Variants in ROBO3 observed in about 807,000 individuals in gnomAD.
ROBO3 encodes the protein roundabout homolog 3.
Under a neutral mutation model 160.5 loss-of-function variants are expected in ROBO3, and 97 were observed. The ratio of observed to expected loss-of-function variants is 0.60; its 90% CI spans 0.51 to 0.72. The LOEUF is 0.72. Among genes scored for constraint, ROBO3 ranks in the 30% least tolerant of loss-of-function variants. The probability of loss-of-function intolerance (pLI) is 0.00; values close to 1 mark genes in which losing one functional copy is unlikely to be tolerated. For missense variants in ROBO3, 1,858 were observed against 1,846.5 expected, an observed-to-expected ratio of 1.01 and a Z score of -0.11; for synonymous variants, 780 against 746.2, an observed-to-expected ratio of 1.05 and a Z score of -0.74.
rs1160814226 is a variant in ROBO3 at position 124,868,871 on chromosome 11, G to A, written c.230G>A (p.Arg77Gln). ...CAGCCGCCAGATCTGCTGGTCTCCC[G>A]AGGCGAGCCCGCCACGTTGCCCTGC... ...VEQPPDLLVS[R>Q]GEPATLPCRA... is the part of the protein sequence containing the mutation. The change falls in exon 2 of 28, where the codon CGA becomes CAA. Residue 77 changes from arginine (R) to glutamine (Q), a missense_variant. Arg to Gln is a conservative substitution (Grantham distance 43). Transcript: ENST00000397801. The A allele has an allele frequency of 6.2e-7, 1 of 1,607,916 alleles. No individual in the cohort carries two copies. Among genetic ancestry groups the A allele is most frequent in the South Asian group, 1.1e-5 (1 of 89,966 alleles).
At position 124,877,557 on chromosome 11, in the gene ROBO3, T is replaced by A. The variant is rs1455253458; in HGVS notation, c.2885T>A (p.Leu962Gln). The A allele has an allele frequency of 6.2e-7, 1 of 1,601,968 alleles. No homozygotes were observed. Among genetic ancestry groups the A allele is most frequent in the Admixed American group, 1.7e-5 (1 of 58,224 alleles). ...MGLGPAPYSW[L>Q]ADSWPHPSRS... ...CTTGGCCCCGCCCCCTACTCATGGC[T>A]GGCAGATTCGTGGCCCCACCCATCT... Residue 962 changes from leucine (L) to glutamine (Q), a missense_variant, in exon 20 of 28, where the codon CTG becomes CAG. Coordinates refer to ENST00000397801, the MANE Select transcript of ROBO3 (RefSeq NM_022370.4).
chr11:124,881,052 TCAAA>T lies in ROBO3; in HGVS notation c.4150-176_4150-173del, dbSNP rs568014870. Among the ~76,000 whole-genome samples, 65 of 152,098 alleles carry T rather than the reference TCAAA, an allele frequency of 4.3e-4. No individual in the cohort carries two copies. The East Asian group carries it at 0.01, about 24-fold the overall frequency. On this transcript the variant is annotated intron_variant, in intron 27 of 27. Transcript: ENST00000397801. ...CTGGGCGACAGAGTGAGACTCTGTC[TCAAA>T]CAAACAAACAGACAAACAAAACAAA... is the stretch of plus-strand genomic sequence containing the variant.
Position 124,877,287 on chromosome 11 carries a change from G to A in ROBO3, c.2824G>A (p.Gly942Ser), listed in dbSNP as rs776810540. The change falls in exon 19 of 28, where the codon GGC becomes AGC. Residue 942 changes from glycine (G) to serine (S), a missense_variant. By Grantham distance (56) the Gly-to-Ser change is moderately conservative. Transcript: ENST00000397801. ...CCCAGTGTCCTTCCCGCACTCAGAG[G>A]GCCTCTCTGGAGCCAGTTCCAGGTA... Reference protein sequence around the residue: ...TPAVSFPHSEGLSGASSRPPM... With the variant: ...TPAVSFPHSESLSGASSRPPM... 1.9e-6 allele frequency: 3 copies of A among 1,613,710 alleles called. No homozygotes were observed. Among genetic ancestry groups the A allele is most frequent in the Non-Finnish European group, 2.5e-6 (3 of 1,179,846 alleles).
intron 26 of ROBO3, among the ~76,000 whole-genome samples, 191 bp from the exon 27 acceptor site, chr11:124,880,227 C>T (rs760451027): frequency 7.9e-5 from 12 of 152,208 alleles, no homozygotes; most frequent in South Asian, 2.1e-4. Context: ...TCCCCCGCAG[C>T]GTTCTGAGCA....
At position 124,877,502 on chromosome 11, in the gene ROBO3, C is replaced by A; in HGVS notation, c.2847-17C>A. ...CTTCAGGCTCTCCGTCCCCAACGCT[C>A]ACCTGCTCTCCCTCAGGCCACCCAT... On this transcript the variant is annotated splice_polypyrimidine_tract_variant and intron_variant, in intron 19 of 27. Transcript: ENST00000397801. 1 of 1,600,478 alleles carries A rather than the reference C, an allele frequency of 6.2e-7. No individual in the cohort carries two copies. The highest frequency in any genetic ancestry group is 2.3e-5 in the East Asian group (1 of 44,000).
rs1946338289 is a variant in ROBO3 at position 124,875,239 on chromosome 11, C to T, written c.2202C>T (p.Leu734=). 1.2e-6 allele frequency: 2 copies of T among 1,613,610 alleles called. No homozygotes were observed. The highest frequency in any genetic ancestry group is 1.3e-5 in the African/African-American group (1 of 74,856). The change falls in exon 14 of 28, where the codon CTC becomes CTT. Residue 734 remains leucine (L), a synonymous_variant. Coordinates refer to ENST00000397801, the MANE Select transcript of ROBO3 (RefSeq NM_022370.4). ...AGCAAAGTACTGTGCTAAGAGGACT[C>T]CCTCCAGGGACCCAAATCCAGATCA... ...PSQQSTVLRG[L]PPGTQIQIKV...
chr11:124,877,552 A>T lies in ROBO3; in HGVS notation c.2880A>T (p.Ser960=), dbSNP rs1192528297. Residue 960 remains serine (S), a synonymous_variant, in exon 20 of 28, where the codon TCA becomes TCT. Coordinates refer to ENST00000397801, the MANE Select transcript of ROBO3 (RefSeq NM_022370.4). ...PPMGLGPAPY[S]WLADSWPHPS... is the part of the protein sequence containing the mutation. The stretch of plus-strand genomic sequence containing the variant: ...TGGGCCTTGGCCCCGCCCCCTACTC[A>T]TGGCTGGCAGATTCGTGGCCCCACC... 6.2e-7 allele frequency: 1 copy of T among 1,601,458 alleles called. No homozygotes were observed. The highest frequency in any genetic ancestry group is 8.5e-7 in the Non-Finnish European group (1 of 1,174,696).
rs1946285724 is a variant in ROBO3, at chr11:124,872,077, T to C, written c.1159-304T>C. On this transcript the variant is annotated intron_variant, in intron 7 of 27. Coordinates refer to ENST00000397801, the MANE Select transcript of ROBO3 (RefSeq NM_022370.4). This position sits in a 1 kb window ranked among gnomAD's most constrained non-coding sequence, Gnocchi z 4.3. ...TCATATGATTACTTCATGTGATCTTTATAACTATCCTCTAGAAGTCAAATT... is the reference window on the plus strand; with the variant it reads ...TCATATGATTACTTCATGTGATCTTCATAACTATCCTCTAGAAGTCAAATT... Among the ~76,000 whole-genome samples, 1 of 152,336 alleles carries C rather than the reference T, an allele frequency of 6.6e-6. No homozygotes were observed. The highest frequency in any genetic ancestry group is 6.5e-5 in the Admixed American group (1 of 15,292).
At chr11:124,877,729 G>T (rs747335178) in intron 20 of ROBO3, 71 bp downstream of exon 20, 2 of 1,555,826 alleles carry the variant, frequency 1.3e-6, no homozygotes, top group South Asian at 1.2e-5. Flanking sequence ...ACCGAAGGGC[G>T]CCCGGGAGCC....
At chr11:124,874,341 C>A in intron 12 of ROBO3, 105 bp downstream of exon 12, 1 of 1,080,914 alleles carries the variant, frequency 9.3e-7, no homozygotes, top group Non-Finnish European at 1.3e-6. Flanking sequence ...TTCTTTCCTG[C>A]TATGCCAGGT....
At position 124,868,896 on chromosome 11, in the gene ROBO3, C is replaced by A. The variant is rs1297683920; in HGVS notation, c.255C>A (p.Cys85Ter). ...VSRGEPATLP[C>*]RAEGRPRPNI... ...GAGGCGAGCCCGCCACGTTGCCCTG[C>A]CGCGCTGAAGGCCGACCCCGACCCA... Residue 85 changes from cysteine (C) to a stop codon, truncating the protein, a stop_gained, in exon 2 of 28, where the codon TGC (cysteine) becomes TGA (stop). Transcript: ENST00000397801. LOFTEE classifies it high-confidence loss of function. The A allele has an allele frequency of 2.5e-6, 4 of 1,607,904 alleles. No individual in the cohort carries two copies. The highest frequency in any genetic ancestry group is 3.4e-5 in the Admixed American group (2 of 59,308).
At chr11:124,877,354 G>T in intron 19 of ROBO3, 45 bp downstream of exon 19, 1 of 1,611,296 alleles carries the variant, frequency 6.2e-7, no homozygotes, top group Non-Finnish European at 8.5e-7. Flanking sequence ...CCACCGACAG[G>T]CCACTCTTCT....
rs1946478152 is a variant in ROBO3 at position 124,878,856 on chromosome 11, A to G, written c.3533+60A>G. 1.5e-6 allele frequency: 2 copies of G among 1,371,816 alleles called. No individual in the cohort carries two copies. Among genetic ancestry groups the G allele is most frequent in the Non-Finnish European group, 1.0e-6 (1 of 982,154 alleles). 85.0% of individuals were successfully genotyped at this position (1,371,816 alleles called of 1,614,324 possible). The stretch of plus-strand genomic sequence containing the variant: ...CCCTCTATACGTATCTACTCAGTAG[A>G]TGACTGGGTGGGTGGATGGATGGAT... On this transcript the variant is annotated intron_variant, in intron 23 of 27. Coordinates refer to ENST00000397801, the MANE Select transcript of ROBO3 (RefSeq NM_022370.4). The surrounding 1 kb of genome is among the most constrained non-coding windows in gnomAD (Gnocchi z 4.3).
chr11:124,875,159 G>A lies in ROBO3; in HGVS notation c.2122G>A (p.Val708Ile), dbSNP rs1027313140. Residue 708 changes from valine (V) to isoleucine (I), a missense_variant, in exon 14 of 28, where the codon GTA becomes ATA. Transcript: ENST00000397801. ...LVQGFRVSWRVAGPEGGSWTM... is the reference protein window; with the variant it reads ...LVQGFRVSWRIAGPEGGSWTM... Reference sequence around the variant, plus strand: ...GCAAGGTTTCCGGGTGTCTTGGAGGGTAGCAGGCCCTGAGGGAGGAAGCTG... The same window carrying A: ...GCAAGGTTTCCGGGTGTCTTGGAGGATAGCAGGCCCTGAGGGAGGAAGCTG... 1.2e-6 allele frequency: 2 copies of A among 1,613,330 alleles called. No homozygotes were observed. Among genetic ancestry groups the A allele is most frequent in the African/African-American group, 1.3e-5 (1 of 74,938 alleles).
In ROBO3 at chr11:124,872,580, TC is replaced by T. The variant is rs577938264; in HGVS notation, c.1330+30del. ...ACGTGCCCATGGAGATAGGACTGGA[TC>T]CATGGCTTGGGAGGAAATAATGGCC... On this transcript the variant is annotated intron_variant, in intron 8 of 27. Transcript: ENST00000397801. The surrounding 1 kb of genome is among the most constrained non-coding windows in gnomAD (Gnocchi z 4.3). 5.1e-5 allele frequency: 81 copies of T among 1,599,368 alleles called. 2 individuals carry two copies. In the South Asian group the frequency reaches 8.6e-4, roughly 17 times the overall value.
rs749644136 is a variant in ROBO3 at position 124,878,831 on chromosome 11, C to G, written c.3533+35C>G. On this transcript the variant is annotated intron_variant, in intron 23 of 27. Transcript: ENST00000397801. This position sits in a 1 kb window ranked among gnomAD's most constrained non-coding sequence, Gnocchi z 4.3. Reference sequence around the variant, plus strand: ...TATATAGTACCTCACTCATTGCAAGCCCTCTATACGTATCTACTCAGTAGA... The same window carrying G: ...TATATAGTACCTCACTCATTGCAAGGCCTCTATACGTATCTACTCAGTAGA... 3 of 1,527,760 alleles carry G rather than the reference C, an allele frequency of 2.0e-6. No individual in the cohort carries two copies. Among genetic ancestry groups the G allele is most frequent in the South Asian group, 1.1e-5 (1 of 88,462 alleles). The allele number at this position is 1,527,760 out of a possible 1,614,324, so 94.6% of individuals were successfully genotyped here.
chr11:124,873,790 G>C lies in ROBO3; in HGVS notation c.1712G>C (p.Ser571Thr), dbSNP rs2135330978. The change falls in exon 11 of 28, where the codon AGC becomes ACC. Residue 571 changes from serine (S) to threonine (T), a missense_variant. Physicochemically the swap from Ser to Thr is moderately conservative, Grantham distance 58 (BLOSUM62 1). Coordinates refer to ENST00000397801, the MANE Select transcript of ROBO3 (RefSeq NM_022370.4). The surrounding 1 kb of genome is among the most constrained non-coding windows in gnomAD (Gnocchi z 4.5). The part of the protein sequence containing the change: ...QPVVTEITKN[S>T]ITLTWKPNPQ... ...GTGGTCACTGAGATCACCAAGAACA[G>C]CATTACCCTGACCTGGAAGCCCAAC... 5 of 1,613,880 alleles carry C rather than the reference G, an allele frequency of 3.1e-6. No homozygotes were observed. The highest frequency in any genetic ancestry group is 4.2e-6 in the Non-Finnish European group (5 of 1,179,848).
Position 124,873,375 on chromosome 11 carries a change from C to G in ROBO3, c.1602C>G (p.Gly534=). The change falls in exon 10 of 28, where the codon GGC becomes GGG. Residue 534 remains glycine, a synonymous_variant. Transcript: ENST00000397801. The surrounding 1 kb of genome is among the most constrained non-coding windows in gnomAD (Gnocchi z 4.5). ...CCACAGGGGAAGCCACATGGAGCGG[C>G]TGGCTTAAGATGCGGGGTGAGTTTT... ...KSSTGEATWS[G]WLKMREDWGV... is the part of the protein sequence containing the mutation. The G allele has an allele frequency of 6.2e-7, 1 of 1,612,342 alleles. No individual in the cohort carries two copies. Among genetic ancestry groups the G allele is most frequent in the Non-Finnish European group, 8.5e-7 (1 of 1,179,296 alleles).
In ROBO3 at chr11:124,868,958, C is replaced by G. The variant is rs1421713567; in HGVS notation, c.317C>G (p.Thr106Ser). The change falls in exon 2 of 28, where the codon ACT (threonine) becomes AGT (serine). Residue 106 changes from threonine (T) to serine (S), a missense_variant. Thr to Ser is a moderately conservative substitution (Grantham distance 58). Transcript: ENST00000397801. ...EWYKNGARVATVREDPRAHRL... is the reference protein window; with the variant it reads ...EWYKNGARVASVREDPRAHRL... Reference sequence around the variant, plus strand: ...TACAAGAACGGGGCGCGTGTGGCCACTGTGCGGGAGGATCCGCGTGCGCAC... The same window carrying G: ...TACAAGAACGGGGCGCGTGTGGCCAGTGTGCGGGAGGATCCGCGTGCGCAC... The G allele has an allele frequency of 6.2e-7, 1 of 1,605,314 alleles. No homozygotes were observed. Among genetic ancestry groups the G allele is most frequent in the Admixed American group, 1.7e-5 (1 of 58,858 alleles).
Sources: gnomAD v4.1 joint callset for allele counts (sites outside exome capture counted in the v4.1 genomes callset) on GRCh38, gnomAD v4.1.1 for gene constraint, Gnocchi (gnomAD v3.1) non-coding constraint, MANE v1.5 for transcripts, NCBI Gene and HGNC (gene_info 2026-07-23, HGNC 2026-07-21) for gene names.